The following TXNL1 variants were observed in gnomAD, a reference collection of about 807,000 sequenced individuals.
TXNL1 encodes the protein thioredoxin-like protein 1.
Under a neutral mutation model 35.5 loss-of-function variants are expected in TXNL1, and 14 were observed. That is an observed-to-expected ratio of 0.39 (90% CI 0.26 to 0.62). The LOEUF (loss-of-function observed/expected upper bound fraction) is 0.62. Ranked by LOEUF, TXNL1 falls within the 20% of genes least tolerant of loss-of-function variation. The probability of loss-of-function intolerance (pLI) is 0.47; values close to 1 mark genes in which losing one functional copy is unlikely to be tolerated. For synonymous variants in TXNL1, 110 were observed against 115.5 expected, an observed-to-expected ratio of 0.95 and a Z score of 0.31; for missense variants, 263 against 349.7, an observed-to-expected ratio of 0.75 and a Z score of 1.98.
chr18:56,627,483 G>C (rs1216789646), intron 1 of TXNL1, among the ~76,000 whole-genome samples: 5 of 152,072 alleles, frequency 3.3e-5, no homozygotes, highest in Admixed American at 6.6e-5. Context: ...CAGATCTTAA[G>C]AACTATCATA....
chr18:56,637,297 G>A (rs570041637), intron 1 of TXNL1, among the ~76,000 whole-genome samples: 10 of 152,128 alleles, frequency 6.6e-5, no homozygotes, highest in Non-Finnish European at 4.4e-5. Context: ...TGTTTATACA[G>A]TTATTTGGAC....
chr18:56,630,496 G>A (rs75739137), intron 1 of TXNL1, among the ~76,000 whole-genome samples: 3,450 of 152,302 alleles, frequency 0.023, 71 homozygotes, highest in East Asian at 0.078. Context: ...ATAAACAAGA[G>A]AGGGAATTTG....
In TXNL1 at chr18:56,601,553, T is replaced by A. The variant is rs1038675711; in HGVS notation, c.*1474A>T. On this transcript the variant is annotated 3_prime_UTR_variant, in exon 8 of 8. Transcript: ENST00000217515. ...GTCTATTTAAGGAGTGTTAAGATCA[T>A]CACAGACCAGTTAATGTGCCCATAT... 1.3e-5 allele frequency: 2 copies of A among 152,136 alleles called. No homozygotes were observed. Among genetic ancestry groups the A allele is most frequent in the Non-Finnish European group, 2.9e-5 (2 of 68,020 alleles). 9.4% of individuals were successfully genotyped at this position (152,136 alleles called of 1,614,324 possible). A position where few individuals can be genotyped will look rare whatever the true frequency, so the allele number is the denominator to read the frequency against.
chr18:56,637,617 C>A (rs2024477152), intron 1 of TXNL1, among the ~76,000 whole-genome samples: 1 of 152,136 alleles, frequency 6.6e-6, no homozygotes, highest in Non-Finnish European at 1.5e-5. Flanking sequence ...TTCAAGATCC[C>A]TGTCCTCTTA....
chr18:56,633,983 C>CAAAAAA (rs71169380), intron 1 of TXNL1, among the ~76,000 whole-genome samples: 2 of 51,318 alleles, frequency 3.9e-5, no homozygotes, highest in Non-Finnish European at 3.2e-5. Flanking sequence ...GACTCCATCT[C>CAAAAAA]AAAAAAAAAA....
At chr18:56,624,241 A>G (rs1416143950) in intron 3 of TXNL1, 47 bp downstream of exon 3, 1 of 1,528,690 alleles carries the variant, frequency 6.5e-7, no homozygotes, top group African/African-American at 1.4e-5. Flanking sequence ...CAATAATGAC[A>G]TGTACAAGAT....
intron 4 of TXNL1, 103 bp from the exon 5 acceptor site, chr18:56,616,417 C>A (rs1025745518): frequency 2.0e-5 from 21 of 1,041,358 alleles, no homozygotes; most frequent in African/African-American, 3.3e-5. Context: ...AAAAAACCAA[C>A]CTAATTCATC....
At chr18:56,619,624 C>T (rs2024149369) in intron 3 of TXNL1, among the ~76,000 whole-genome samples, 1 of 151,224 alleles carries the variant, frequency 6.6e-6, no homozygotes, top group Admixed American at 6.6e-5. Flanking sequence ...ATAGATTTCT[C>T]AATACTTTGG....
intron 1 of TXNL1, among the ~76,000 whole-genome samples, chr18:56,635,603 T>C (rs148787794): frequency 2.0e-5 from 3 of 152,016 alleles, no homozygotes; most frequent in East Asian, 1.9e-4. Context: ...ACCAAGGAGG[T>C]AGATGGGGAG....
intron 3 of TXNL1, among the ~76,000 whole-genome samples, chr18:56,620,773 T>C (rs2024166846): frequency 6.6e-6 from 1 of 152,254 alleles, no homozygotes; most frequent in Non-Finnish European, 1.5e-5. Context: ...TCTCAAAGAC[T>C]GAAGAAAACT....
At chr18:56,619,537 C>CAAAA (rs71169375) in intron 3 of TXNL1, among the ~76,000 whole-genome samples, 5 of 82,088 alleles carry the variant, frequency 6.1e-5, no homozygotes, top group African/African-American at 2.0e-4. Flanking sequence ...ACTCTGTCTC[C>CAAAA]AAAAAAAAAA....
At chr18:56,624,192 A>C in intron 3 of TXNL1, 96 bp downstream of exon 3, 1 of 1,318,328 alleles carries the variant, frequency 7.6e-7, no homozygotes, top group East Asian at 2.3e-5. Context: ...AACCAGTAAG[A>C]GATAGAAGAT....
At chr18:56,613,339 T>C (rs1445008311) in intron 6 of TXNL1, among the ~76,000 whole-genome samples, 1 of 152,232 alleles carries the variant, frequency 6.6e-6, no homozygotes, top group African/African-American at 2.4e-5. Flanking sequence ...TATTCTGCTA[T>C]TCTTTTCTAA....
intron 3 of TXNL1, among the ~76,000 whole-genome samples, chr18:56,621,528 A>G (rs2024186175): frequency 6.6e-6 from 1 of 152,188 alleles, no homozygotes. Context: ...GCATTAAAGT[A>G]TTTTGTTATA....
intron 7 of TXNL1, chr18:56,605,419 A>T (rs1228141162): frequency 6.6e-6 from 1 of 152,244 alleles, no homozygotes; most frequent in African/African-American, 2.4e-5. Flanking sequence ...TTACAAAAAT[A>T]GCTGATACGG....
Position 56,600,107 on chromosome 18 carries a change from C to G in TXNL1, c.*2920G>C, listed in dbSNP as rs2023793106. 6.6e-6 allele frequency: 1 copy of G among 152,182 alleles called. No homozygotes were observed. Among genetic ancestry groups the G allele is most frequent in the African/African-American group, 2.4e-5 (1 of 41,446 alleles). 9.4% of individuals were successfully genotyped at this position (152,182 alleles called of 1,614,324 possible). On this transcript the variant is annotated 3_prime_UTR_variant, in exon 8 of 8. Transcript: ENST00000217515. ...CAAAGCTTTTAGACATTAAGAGGAA[C>G]AAGGGAGGATCTGAACTATTTTAGG...
Position 56,618,096 on chromosome 18 carries a change from CAG to C in TXNL1, c.398_399del (p.Ala133GlyfsTer3). 6.2e-7 allele frequency: 1 copy of C among 1,613,604 alleles called. No individual in the cohort carries two copies. The highest frequency in any genetic ancestry group is 2.2e-5 in the East Asian group (1 of 44,838). ...YMDLMPFINK[A>X]GCECLNESDE... is the part of the protein sequence containing the mutation. ...TCACTTTCATTAAGACATTCACAAC[CAG>C]CTTTGTTAATAAAAGGCATTAAATC... On this transcript the variant is annotated frameshift_variant, in exon 4 of 8. Coordinates refer to ENST00000217515, the MANE Select transcript of TXNL1 (RefSeq NM_004786.3). LOFTEE classifies it high-confidence loss of function.
rs1407786881 is a variant in TXNL1, at chr18:56,599,079, T to C, written c.*3948A>G. The C allele has an allele frequency of 6.6e-6, 1 of 152,224 alleles. No homozygotes were observed. Among genetic ancestry groups the C allele is most frequent in the Non-Finnish European group, 1.5e-5 (1 of 68,042 alleles). 9.4% of individuals were successfully genotyped at this position (152,224 alleles called of 1,614,324 possible). ...GAAAAATACTCTAGCAGTTTTAACA[T>C]TGCATATCCTTAAGATTTTAATATT... On this transcript the variant is annotated 3_prime_UTR_variant, in exon 8 of 8. Transcript: ENST00000217515.
chr18:56,626,648 C>G (rs898031012), intron 1 of TXNL1, among the ~76,000 whole-genome samples, 191 bp from the exon 2 acceptor site: 10 of 151,530 alleles, frequency 6.6e-5, no homozygotes, highest in Non-Finnish European at 5.9e-5. Flanking sequence ...AGGCGCCCAC[C>G]ACCACGCCCA....
Sources: allele counts gnomAD v4.1 joint callset (sites outside exome capture counted in the v4.1 genomes callset), GRCh38; gene constraint gnomAD v4.1.1; transcripts MANE v1.5; gene names NCBI Gene and HGNC (gene_info 2026-07-23, HGNC 2026-07-21).